Variants in TBX5 observed in about 807,000 individuals in gnomAD.
TBX5 encodes the protein T-box transcription factor 5, also known as T-box transcription factor TBX5.
Under a neutral mutation model 51.1 loss-of-function variants are expected in TBX5, and 8 were observed. The ratio of observed to expected loss-of-function variants is 0.16; its 90% confidence interval spans 0.09 to 0.28. The LOEUF (loss-of-function observed/expected upper bound fraction) is 0.28, where lower values mean the gene tolerates loss of function less well. Among genes scored for constraint, TBX5 ranks in the 10% least tolerant of loss-of-function variants. The pLI is 1.00. For missense variants in TBX5, 589 were observed against 671.7 expected, an observed-to-expected ratio of 0.88 and a Z score of 1.36; for synonymous variants, 302 against 266.4, an observed-to-expected ratio of 1.13 and a Z score of -1.30.
chr12:114,405,139 A>T (rs553075347), intron 1 of TBX5, among the ~76,000 whole-genome samples: 1 of 152,276 alleles, frequency 6.6e-6, no homozygotes, highest in Admixed American at 6.5e-5. Context: ...TCCCACCCTG[A>T]CCTGCTGTGG....
At chr12:114,391,540 CACA>C (rs1284490232) in intron 6 of TBX5, among the ~76,000 whole-genome samples, 2 of 152,304 alleles carry the variant, frequency 1.3e-5, no homozygotes, top group African/African-American at 4.8e-5. Flanking sequence ...ATTGAATCTT[CACA>C]ACAACACTAT....
At chr12:114,357,657 T>G (rs1022920230) in intron 8 of TBX5, among the ~76,000 whole-genome samples, 13 of 152,202 alleles carry the variant, frequency 8.5e-5, no homozygotes, top group African/African-American at 3.1e-4. Context: ...CAGACATAAT[T>G]CACAATAATA....
intron 8 of TBX5, among the ~76,000 whole-genome samples, chr12:114,364,921 C>G (rs533361545): frequency 6.6e-6 from 1 of 152,288 alleles, no homozygotes; most frequent in Admixed American, 6.5e-5. Context: ...CCCCACCATA[C>G]CATCTACAGC....
intron 6 of TBX5, 89 bp downstream of exon 6, chr12:114,394,652 G>C (rs1871323632): frequency 6.3e-7 from 1 of 1,580,498 alleles, no homozygotes; most frequent in Non-Finnish European, 8.7e-7. Flanking sequence ...CCATTCAGAG[G>C]AGCAAAGTTC....
At chr12:114,389,062 G>C (rs911812679) in intron 6 of TBX5, among the ~76,000 whole-genome samples, 1 of 152,042 alleles carries the variant, frequency 6.6e-6, no homozygotes, top group Non-Finnish European at 1.5e-5. Flanking sequence ...CCGAGTAGCT[G>C]AGATGACAGG....
Position 114,354,344 on chromosome 12 carries a change from A to G in TBX5, c.*1188T>C, listed in dbSNP as rs141223729. On this transcript the variant is annotated 3_prime_UTR_variant, in exon 9 of 9. Transcript: ENST00000405440. ...TATAAATAAATAGTACCAGTAAAATATTACATCTGAAGAACCCTACCATAA... is the reference window on the plus strand; with the variant it reads ...TATAAATAAATAGTACCAGTAAAATGTTACATCTGAAGAACCCTACCATAA... The G allele has an allele frequency of 2.8e-4, 42 of 152,332 alleles. No homozygotes were observed. In the East Asian group the frequency reaches 8.1e-3, roughly 29 times the overall value. The allele number at this position is 152,332 out of a possible 1,614,324, so 9.4% of individuals were successfully genotyped here.
At chr12:114,365,859 A>G (rs1355487740) in intron 8 of TBX5, among the ~76,000 whole-genome samples, 2 of 151,592 alleles carry the variant, frequency 1.3e-5, no homozygotes, top group Admixed American at 6.6e-5. Context: ...AAAAAAAAGT[A>G]AAAATAAATC....
In TBX5 at chr12:114,355,208, A is replaced by G. The variant is rs910667040; in HGVS notation, c.*324T>C. The G allele has an allele frequency of 1.5e-5, 6 of 410,958 alleles. No individual in the cohort carries two copies. The highest frequency in any genetic ancestry group is 4.1e-5 in the African/African-American group (2 of 48,810). The allele number at this position is 410,958 out of a possible 1,614,324, so 25.5% of individuals were successfully genotyped here. A position where few individuals can be genotyped will look rare whatever the true frequency, so the allele number is the denominator to read the frequency against. ...ATGAGGCAAGACTTTCTAGAGCCCA[A>G]AAGAAGGAATGGGGGAAGAGATCTG... On this transcript the variant is annotated 3_prime_UTR_variant, in exon 9 of 9. Transcript: ENST00000405440.
rs761278614 is a variant in TBX5, at chr12:114,385,516, T to C, written c.715A>G (p.Ser239Gly). 6.2e-7 allele frequency: 1 copy of C among 1,614,106 alleles called. No individual in the cohort carries two copies. The highest frequency in any genetic ancestry group is 1.3e-5 in the African/African-American group (1 of 74,944). Residue 239 changes from serine to glycine, a missense_variant, in exon 7 of 9, where the codon AGT becomes GGT. Transcript: ENST00000405440. ...ATTCTGTGCAGCTCCATGTCATCAC[T>C]GCCCCGAAATCCTTTGGCAAAGGGA... The part of the protein sequence containing the change: ...NNPFAKGFRG[S>G]DDMELHRMSR...
intron 5 of TBX5, among the ~76,000 whole-genome samples, chr12:114,395,969 C>CGG: frequency 6.6e-6 from 1 of 152,142 alleles, no homozygotes; most frequent in Non-Finnish European, 1.5e-5. Context: ...CACATCCCCA[C>CGG]CGAACTTGCG....
At chr12:114,393,211 C>T (rs372877846) in intron 6 of TBX5, among the ~76,000 whole-genome samples, 20 of 152,162 alleles carry the variant, frequency 1.3e-4, no homozygotes, top group East Asian at 1.2e-3. Flanking sequence ...CCTGTCCAGT[C>T]CCCAGCTCCT....
At position 114,366,253 on chromosome 12, in the gene TBX5, G is replaced by T; in HGVS notation, c.894C>A (p.Ser298=). Residue 298 remains serine (S), a synonymous_variant, in exon 8 of 9, where the codon TCC becomes TCA. Coordinates refer to ENST00000405440, the MANE Select transcript of TBX5 (RefSeq NM_181486.4). ...GSQYQCENGV[S]GPSQDLLPPP... is the part of the protein sequence containing the mutation. ...GAGGCAGGAGGTCCTGGGAGGGGCC[G>T]GAAACACCATTCTCACACTGGTATT... 6.2e-7 allele frequency: 1 copy of T among 1,614,046 alleles called. No homozygotes were observed. Among genetic ancestry groups the T allele is most frequent in the South Asian group, 1.1e-5 (1 of 91,070 alleles).
At chr12:114,364,921 C>T (rs533361545) in intron 8 of TBX5, among the ~76,000 whole-genome samples, 1 of 152,170 alleles carries the variant, frequency 6.6e-6, no homozygotes, top group Admixed American at 6.5e-5. Flanking sequence ...CCCCACCATA[C>T]CATCTACAGC....
At chr12:114,361,629 T>C (rs548254498) in intron 8 of TBX5, among the ~76,000 whole-genome samples, 16 of 152,234 alleles carry the variant, frequency 1.1e-4, no homozygotes, top group South Asian at 8.3e-4. Context: ...TGACATTTCA[T>C]TGGGCCTGAC....
At chr12:114,362,944 G>A (rs1289634252) in intron 8 of TBX5, among the ~76,000 whole-genome samples, 1 of 152,194 alleles carries the variant, frequency 6.6e-6, no homozygotes, top group Non-Finnish European at 1.5e-5. Flanking sequence ...GATTACAGGT[G>A]TGAGCCACAG....
At chr12:114,396,347 C>T (rs1352107881) in intron 5 of TBX5, among the ~76,000 whole-genome samples, 3 of 152,050 alleles carry the variant, frequency 2.0e-5, no homozygotes, top group South Asian at 2.1e-4. Context: ...GCCATCGGCC[C>T]GGCTTAGCCA....
At position 114,405,742 on chromosome 12, in the gene TBX5, C is replaced by A. The variant is rs1368025726; in HGVS notation, c.-153G>T. 1.3e-5 allele frequency: 13 copies of A among 985,578 alleles called. No individual in the cohort carries two copies. The South Asian group carries it at 1.4e-4, about 11-fold the overall frequency. The allele number at this position is 985,578 out of a possible 1,614,324, so 61.1% of individuals were successfully genotyped here. On this transcript the variant is annotated 5_prime_UTR_variant, in exon 1 of 9. Coordinates refer to ENST00000405440, the MANE Select transcript of TBX5 (RefSeq NM_181486.4). ...TCCGGGGTTTATGCGGGGTTTACTG[C>A]TTACCCAGAATAGCGGCTACTGCTG...
intron 8 of TBX5, among the ~76,000 whole-genome samples, chr12:114,357,321 T>A (rs977162160): frequency 6.6e-6 from 1 of 152,138 alleles, no homozygotes; most frequent in African/African-American, 2.4e-5. Flanking sequence ...CCTAGAAAAC[T>A]GCATTGAAAC....
At chr12:114,404,215 C>A (rs542775992) in intron 1 of TBX5, among the ~76,000 whole-genome samples, 44 of 152,286 alleles carry the variant, frequency 2.9e-4, no homozygotes, top group South Asian at 2.1e-3. Context: ...ATCTCCCCTG[C>A]GCAGGCTCTC....
Sources: gnomAD v4.1 joint callset for allele counts (sites outside exome capture counted in the v4.1 genomes callset) on GRCh38, gnomAD v4.1.1 for gene constraint, MANE v1.5 for transcripts, NCBI Gene and HGNC (gene_info 2026-07-23, HGNC 2026-07-21) for gene names.